The following NIPA1 variants were observed in gnomAD, a reference collection of about 807,000 sequenced individuals.
NIPA1 encodes the protein NIPA magnesium transporter 1.
Under a neutral mutation model 23.9 loss-of-function variants are expected in NIPA1, and 13 were observed. The observed-to-expected ratio is 0.54, with a 90% CI of 0.35 to 0.87. The LOEUF (loss-of-function observed/expected upper bound fraction) is 0.87. Ranked by LOEUF, NIPA1 falls within the 40% of genes least tolerant of loss-of-function variation. NIPA1 has a pLI of 0.01. For missense variants in NIPA1, 362 were observed against 429.7 expected (o/e 0.84, Z 1.39); for synonymous variants, 234 against 202.9 (o/e 1.15, Z -1.30).
In NIPA1 at chr15:22,820,690, C is replaced by T. The variant is rs1338703259; in HGVS notation, c.478+217C>T. On this transcript the variant is annotated intron_variant, in intron 4 of 4. Transcript: ENST00000337435. ...CACCCTCCCGCCTGATCCTCAGGCC[C>T]TGCGGGGAGCCTCCGTGGCCTGGTA... Among the ~76,000 whole-genome samples the T allele has an allele frequency of 2.0e-5, 3 of 149,770 alleles. 1 individual carries two copies. Among genetic ancestry groups the T allele is most frequent in the Non-Finnish European group, 4.5e-5 (3 of 67,076 alleles).
In NIPA1 at chr15:22,824,563, T is replaced by C. The variant is rs1432209995; in HGVS notation, c.*324T>C. On this transcript the variant is annotated 3_prime_UTR_variant, in exon 5 of 5. Transcript: ENST00000337435. The surrounding 1 kb of genome is among the most constrained non-coding windows in gnomAD (Gnocchi z 4.1). ...TTAACATTATTTAAACAGAAAAAGA[T>C]GGGCTCTTTCTGGTTAGTTGTTACA... is the stretch of plus-strand genomic sequence containing the variant. The C allele has an allele frequency of 5.9e-6, 2 of 341,728 alleles. No individual in the cohort carries two copies. Among genetic ancestry groups the C allele is most frequent in the Non-Finnish European group, 1.1e-5 (2 of 180,726 alleles). 21.2% of individuals were successfully genotyped at this position (341,728 alleles called of 1,614,324 possible). A position where few individuals can be genotyped will look rare whatever the true frequency, so the allele number is the denominator to read the frequency against.
chr15:22,819,817 G>A (rs996760049), intron 3 of NIPA1, among the ~76,000 whole-genome samples: 1 of 152,140 alleles, frequency 6.6e-6, no homozygotes, highest in Non-Finnish European at 1.5e-5. Context: ...ATACTCTGGT[G>A]TATTTTATAT....
intron 1 of NIPA1, among the ~76,000 whole-genome samples, chr15:22,806,918 G>A (rs1377161770): frequency 1.3e-5 from 2 of 152,166 alleles, no homozygotes; most frequent in African/African-American, 2.4e-5. Flanking sequence ...ACCATGTGCA[G>A]GAGCTTCACT....
At chr15:22,806,272 G>A (rs1487684270) in intron 1 of NIPA1, among the ~76,000 whole-genome samples, 2 of 152,194 alleles carry the variant, frequency 1.3e-5, no homozygotes, top group East Asian at 1.9e-4. Context: ...CTAAATGGAA[G>A]GTCTAAAGCC....
intron 1 of NIPA1, among the ~76,000 whole-genome samples, chr15:22,790,573 G>A (rs1387112242): frequency 6.6e-6 from 1 of 151,720 alleles, no homozygotes; most frequent in Non-Finnish European, 1.5e-5. Context: ...GCACCACCAC[G>A]CCTGGCTAAT....
chr15:22,808,010 C>T (rs1895247834), intron 1 of NIPA1, among the ~76,000 whole-genome samples: 2 of 151,974 alleles, frequency 1.3e-5, no homozygotes, highest in African/African-American at 2.4e-5. Context: ...GGGATGGTCT[C>T]GGTCTCCTGA....
chr15:22,793,465 G>C (rs897118633), intron 1 of NIPA1, among the ~76,000 whole-genome samples: 1 of 151,328 alleles, frequency 6.6e-6, no homozygotes, highest in Non-Finnish European at 1.5e-5. Context: ...TTTTGAGAGG[G>C]AGTCTTGCTC....
rs1193313417 is a variant in NIPA1 at position 22,827,390 on chromosome 15, G to A, written c.*3151G>A. 1 of 152,208 alleles carries A rather than the reference G, an allele frequency of 6.6e-6. No homozygotes were observed. The highest frequency in any genetic ancestry group is 1.5e-5 in the Non-Finnish European group (1 of 68,048). The allele number at this position is 152,208 out of a possible 1,614,324, so 9.4% of individuals were successfully genotyped here. On this transcript the variant is annotated 3_prime_UTR_variant, in exon 5 of 5. Transcript: ENST00000337435. ...CGGCTGGCAGGACCATGCCATCTCT[G>A]TGGAGAAGGTGCTGGGGAGGGAAGT...
chr15:22,790,256 G>T (rs1894800172), intron 1 of NIPA1, among the ~76,000 whole-genome samples: 1 of 152,238 alleles, frequency 6.6e-6, no homozygotes, highest in Non-Finnish European at 1.5e-5. Flanking sequence ...TACTCATGGT[G>T]GTAGAAGATA....
chr15:22,786,669 G>A lies in NIPA1; in HGVS notation c.13G>A (p.Ala5Thr), dbSNP rs976686334. Residue 5 changes from alanine to threonine, a missense_variant, in exon 1 of 5, where the codon GCT becomes ACT. Coordinates refer to ENST00000337435, the MANE Select transcript of NIPA1 (RefSeq NM_144599.5). ...GGGCGCGGGCGGAATGGGGACTGCA[G>A]CTGCGGCAGCGGCGGCGGCGGCGGC... MGTA[A>T]AAAAAAAAAA... is the part of the protein sequence containing the mutation. 5.6e-6 allele frequency: 6 copies of A among 1,077,794 alleles called. No individual in the cohort carries two copies. The African/African-American group carries it at 1.1e-4, about 19-fold the overall frequency. The allele number at this position is 1,077,794 out of a possible 1,614,324, so 66.8% of individuals were successfully genotyped here. A position where few individuals can be genotyped will look rare whatever the true frequency, so the allele number is the denominator to read the frequency against.
At chr15:22,793,325 C>T (rs924220574) in intron 1 of NIPA1, among the ~76,000 whole-genome samples, 5 of 130,822 alleles carry the variant, frequency 3.8e-5, no homozygotes, top group South Asian at 2.4e-4. Context: ...CTCCACTTCA[C>T]GCCAGCCAGG....
intron 2 of NIPA1, 123 bp from the exon 3 acceptor site, chr15:22,812,040 T>G (rs1595641095): frequency 2.6e-6 from 2 of 784,214 alleles, no homozygotes; most frequent in East Asian, 5.6e-5. Flanking sequence ...CCAGATGTGA[T>G]TCTTCACAAG....
intron 4 of NIPA1, among the ~76,000 whole-genome samples, chr15:22,822,414 A>G (rs928619251): frequency 1.3e-4 from 19 of 151,816 alleles, no homozygotes; most frequent in African/African-American, 4.6e-4. Flanking sequence ...TCATTGCAAA[A>G]CCCACAAACA....
chr15:22,811,563 C>T (rs1895316954), intron 2 of NIPA1, among the ~76,000 whole-genome samples: 1 of 152,102 alleles, frequency 6.6e-6, no homozygotes, highest in Non-Finnish European at 1.5e-5. Flanking sequence ...AAGATCACGC[C>T]AGTGCACTCC....
intron 1 of NIPA1, among the ~76,000 whole-genome samples, chr15:22,788,200 G>A (rs1008111585): frequency 2.0e-5 from 3 of 151,994 alleles, no homozygotes; most frequent in African/African-American, 7.2e-5. Flanking sequence ...CACACAAACC[G>A]GAGTAGAAGA....
chr15:22,813,995 T>C (rs902393787), intron 3 of NIPA1: 4 of 588,138 alleles, frequency 6.8e-6, no homozygotes, highest in East Asian at 7.0e-5. Context: ...CTAAAATGTT[T>C]TGCTCAGTTA....
chr15:22,811,285 A>G (rs1193268890), intron 2 of NIPA1, among the ~76,000 whole-genome samples: 1 of 152,204 alleles, frequency 6.6e-6, no homozygotes, highest in African/African-American at 2.4e-5. Context: ...TAAATGTATT[A>G]TAAAGGACAA....
In NIPA1 at chr15:22,824,465, T is replaced by C. The variant is rs1895609693; in HGVS notation, c.*226T>C. On this transcript the variant is annotated 3_prime_UTR_variant, in exon 5 of 5. Coordinates refer to ENST00000337435, the MANE Select transcript of NIPA1 (RefSeq NM_144599.5). This position sits in a 1 kb window ranked among gnomAD's most constrained non-coding sequence, Gnocchi z 4.1. ...ACGGTTGCCTGGCACCATCTCTCTCTGATGAGACGAATCTCATTTTCATTT... is the reference window on the plus strand; with the variant it reads ...ACGGTTGCCTGGCACCATCTCTCTCCGATGAGACGAATCTCATTTTCATTT... 1.8e-6 allele frequency: 1 copy of C among 555,890 alleles called. No individual in the cohort carries two copies. The highest frequency in any genetic ancestry group is 1.9e-5 in the African/African-American group (1 of 53,362). 34.4% of individuals were successfully genotyped at this position (555,890 alleles called of 1,614,324 possible).
At chr15:22,795,896 G>T (rs1463180764) in intron 1 of NIPA1, among the ~76,000 whole-genome samples, 1 of 152,064 alleles carries the variant, frequency 6.6e-6, no homozygotes, top group Non-Finnish European at 1.5e-5. Context: ...CCCCCTGTAG[G>T]GTGGTTAGGG....
Sources: gnomAD v4.1 joint callset for allele counts (sites outside exome capture counted in the v4.1 genomes callset) on GRCh38, gnomAD v4.1.1 for gene constraint, Gnocchi (gnomAD v3.1) non-coding constraint, MANE v1.5 for transcripts, NCBI Gene and HGNC (gene_info 2026-07-23, HGNC 2026-07-21) for gene names.